Variants in DYNC1I1 observed in about 807,000 individuals in gnomAD.
DYNC1I1 encodes dynein cytoplasmic 1 intermediate chain 1, also known as cytoplasmic dynein 1 intermediate chain 1.
A neutral mutation model predicts 86.6 loss-of-function variants in DYNC1I1; 43 were observed. The observed-to-expected ratio is 0.50, with a 90% CI of 0.39 to 0.64. The LOEUF is 0.64. Ranked by LOEUF, DYNC1I1 falls within the 30% of genes least tolerant of loss-of-function variation. DYNC1I1 has a pLI of 0.00. For missense variants in DYNC1I1, 604 were observed against 788.8 expected, an observed-to-expected ratio of 0.77 and a Z score of 2.81; for synonymous variants, 262 against 283.7, an observed-to-expected ratio of 0.92 and a Z score of 0.77.
At position 96,096,431 on chromosome 7, in the gene DYNC1I1, G is replaced by A. The variant is rs564539088; in HGVS notation, c.1777-1052G>A. Among the ~76,000 whole-genome samples the A allele has an allele frequency of 3.9e-5, 6 of 152,128 alleles. No homozygotes were observed. In the East Asian group the frequency reaches 9.6e-4, roughly 24 times the overall value. On this transcript the variant is annotated intron_variant, in intron 16 of 16. Transcript: ENST00000447467. ...TAGGTAAATTACACTATATTATAGC[G>A]TAAAACTCCAAGAAAATGCGTGTAA...
At chr7:96,072,868 A>C (rs1790210932) in intron 14 of DYNC1I1, among the ~76,000 whole-genome samples, 1 of 152,218 alleles carries the variant, frequency 6.6e-6, no homozygotes, top group Non-Finnish European at 1.5e-5. Context: ...TTACCTTAAA[A>C]TATTTTATGC....
chr7:95,851,150 G>T (rs776453261), intron 5 of DYNC1I1, among the ~76,000 whole-genome samples: 37 of 152,086 alleles, frequency 2.4e-4, no homozygotes, highest in Non-Finnish European at 4.7e-4. Context: ...GCCCAGGCTG[G>T]TCTCAAACCC....
intron 6 of DYNC1I1, among the ~76,000 whole-genome samples, chr7:95,969,053 G>A (rs1793096979): frequency 1.3e-5 from 2 of 152,206 alleles, no homozygotes; most frequent in African/African-American, 4.8e-5. Context: ...GAACTAACTT[G>A]AGAAGTGGCT....
intron 5 of DYNC1I1, among the ~76,000 whole-genome samples, chr7:95,846,301 A>G (rs985259027): frequency 6.6e-6 from 1 of 152,116 alleles, no homozygotes; most frequent in East Asian, 1.9e-4. Context: ...AATCATGACT[A>G]TTTTGATTCT....
intron 10 of DYNC1I1, among the ~76,000 whole-genome samples, chr7:96,002,783 A>G (rs1794042879): frequency 1.3e-5 from 2 of 152,002 alleles, no homozygotes; most frequent in South Asian, 2.1e-4. Context: ...ACCAATGAGT[A>G]CAAAATAAGC....
intron 6 of DYNC1I1, among the ~76,000 whole-genome samples, chr7:95,871,936 A>C (rs1281650641): frequency 6.6e-6 from 1 of 152,232 alleles, no homozygotes; most frequent in Admixed American, 6.5e-5. Flanking sequence ...TAGCTACCAT[A>C]GTTCTTGACA....
At chr7:95,947,379 T>A (rs1792431288) in intron 6 of DYNC1I1, among the ~76,000 whole-genome samples, 1 of 152,192 alleles carries the variant, frequency 6.6e-6, no homozygotes, top group Admixed American at 6.5e-5. Context: ...ATTACCAGAT[T>A]GTGTTCCAGA....
At chr7:95,904,243 C>A (rs537209609) in intron 6 of DYNC1I1, among the ~76,000 whole-genome samples, 1 of 152,212 alleles carries the variant, frequency 6.6e-6, no homozygotes, top group South Asian at 2.1e-4. Context: ...AGGACCTGGA[C>A]CCTAGCCAGA....
chr7:95,900,558 A>G (rs561013401), intron 6 of DYNC1I1, among the ~76,000 whole-genome samples: 2 of 152,256 alleles, frequency 1.3e-5, no homozygotes, highest in Admixed American at 6.5e-5. Flanking sequence ...GGAGATTTGG[A>G]GTTGGAAATC....
intron 6 of DYNC1I1, among the ~76,000 whole-genome samples, chr7:95,941,300 C>T (rs1407087185): frequency 3.3e-5 from 5 of 151,934 alleles, no homozygotes; most frequent in Admixed American, 6.6e-5. Flanking sequence ...TCTCCAGCTG[C>T]GTGCTGGGAG....
chr7:96,033,591 A>G (rs1794864623), intron 12 of DYNC1I1, among the ~76,000 whole-genome samples: 2 of 152,362 alleles, frequency 1.3e-5, no homozygotes, highest in African/African-American at 4.8e-5. Context: ...GTAAGGAAAC[A>G]TGGAGAAAAC....
At chr7:95,786,445 A>G (rs1794149390) in intron 1 of DYNC1I1, among the ~76,000 whole-genome samples, 1 of 152,138 alleles carries the variant, frequency 6.6e-6, no homozygotes, top group African/African-American at 2.4e-5. Flanking sequence ...TTTCACCTGC[A>G]ATGTTGTTAG....
chr7:96,003,138 C>T (rs758587392), intron 10 of DYNC1I1, among the ~76,000 whole-genome samples: 15 of 152,172 alleles, frequency 9.9e-5, no homozygotes, highest in Non-Finnish European at 1.9e-4. Context: ...CCATTGTACC[C>T]GGCTGAACTC....
chr7:95,979,888 G>T (rs1023713820), intron 7 of DYNC1I1, among the ~76,000 whole-genome samples: 2 of 152,140 alleles, frequency 1.3e-5, no homozygotes, highest in Admixed American at 1.3e-4. Context: ...AAAAGTTGGT[G>T]AGTAGAATAT....
intron 14 of DYNC1I1, among the ~76,000 whole-genome samples, chr7:96,044,970 A>G (rs770996382): frequency 5.3e-5 from 8 of 152,174 alleles, no homozygotes; most frequent in Non-Finnish European, 7.3e-5. Flanking sequence ...ATGGGAATGA[A>G]TGAAGGGCAA....
intron 14 of DYNC1I1, among the ~76,000 whole-genome samples, chr7:96,040,715 A>AT (rs1562982076): frequency 3.0e-5 from 4 of 133,982 alleles, no homozygotes; most frequent in East Asian, 2.2e-4. Flanking sequence ...ACAAATGAGT[A>AT]GTTTTTTTTT....
At chr7:95,807,566 T>A (rs982873182) in intron 2 of DYNC1I1, among the ~76,000 whole-genome samples, 1 of 152,134 alleles carries the variant, frequency 6.6e-6, no homozygotes, top group African/African-American at 2.4e-5. Context: ...TGCTTACATA[T>A]ACCCTGATGG....
intron 14 of DYNC1I1, among the ~76,000 whole-genome samples, chr7:96,056,426 A>G (rs1426109869): frequency 2.0e-5 from 3 of 152,184 alleles, no homozygotes; most frequent in African/African-American, 7.2e-5. Context: ...AAGAAAGTCT[A>G]TTTATTGGGA....
intron 16 of DYNC1I1, 64 bp from the exon 17 acceptor site, chr7:96,097,419 G>C (rs946179070): frequency 1.3e-6 from 2 of 1,579,908 alleles, no homozygotes; most frequent in Admixed American, 1.7e-5. Flanking sequence ...AGTCATTCAG[G>C]CTTCAAGGCT....
Sources: allele counts gnomAD v4.1 joint callset (sites outside exome capture counted in the v4.1 genomes callset), GRCh38; gene constraint gnomAD v4.1.1; transcripts MANE v1.5; gene names NCBI Gene and HGNC (gene_info 2026-07-23, HGNC 2026-07-21).